TMEM94: variants seen among roughly 807,000 people sequenced by gnomAD.
TMEM94 encodes transmembrane protein 94, also known as ER Mg2+ ATPase.
Under a neutral mutation model 158.6 loss-of-function variants are expected in TMEM94, and 81 were observed. The observed-to-expected ratio is 0.51, with a 90% confidence interval of 0.43 to 0.61. The LOEUF is 0.61. Ranked by LOEUF, TMEM94 falls within the 20% of genes least tolerant of loss-of-function variation. TMEM94 has a pLI of 0.00. For synonymous variants in TMEM94, 751 were observed against 730.7 expected, an observed-to-expected ratio of 1.03 and a Z score of -0.45; for missense variants, 1,435 against 1,762.0, an observed-to-expected ratio of 0.81 and a Z score of 3.32.
chr17:75,499,053 C>A lies in TMEM94; in HGVS notation c.3969C>A (p.Thr1323=). 6.3e-7 allele frequency: 1 copy of A among 1,595,372 alleles called. No homozygotes were observed. The change falls in exon 31 of 32, where the codon ACC becomes ACA. Residue 1323 remains threonine, a synonymous_variant. Coordinates refer to ENST00000314256, the MANE Select transcript of TMEM94 (RefSeq NM_014738.6). ...GCLSLVLVVV[T]NEIVKLHEIR... is the part of the protein sequence containing the mutation. ...TGTCCCTGGTCCTTGTGGTGGTGAC[C>A]AATGAGATCGTGAAGCTACATGAGA... is the stretch of plus-strand genomic sequence containing the variant.
chr17:75,488,626 C>A, intron 6 of TMEM94, 133 bp from the exon 7 acceptor site: 1 of 1,025,190 alleles, frequency 9.8e-7, no homozygotes, highest in Non-Finnish European at 1.5e-6. Flanking sequence ...GTCCCACAGG[C>A]CCTGTCCCAG....
rs960711952 is a variant in TMEM94, at chr17:75,498,938, C to T, written c.3854C>T (p.Ala1285Val). 7.0e-6 allele frequency: 11 copies of T among 1,567,836 alleles called. No individual in the cohort carries two copies. The highest frequency in any genetic ancestry group is 7.8e-6 in the Non-Finnish European group (9 of 1,156,462). ...CTGCTGGGTCAGGTGGTCCAGACGG[C>T]TGTGGACCTGCAGCTGTGGACACAC... ...VVLLGQVVQT[A>V]VDLQLWTHRD... is the part of the protein sequence containing the mutation. Residue 1285 changes from alanine (A) to valine (V), a missense_variant, in exon 31 of 32, where the codon GCT becomes GTT. This residue lies in a region of TMEM94 where 335 missense variants were observed against 409.1 expected (regional missense o/e 0.82). Transcript: ENST00000314256. This position sits in a 1 kb window ranked among gnomAD's most constrained non-coding sequence, Gnocchi z 6.7.
rs574174671 is a variant in TMEM94 at position 75,477,282 on chromosome 17, A to G, written c.24+5353A>G. ...AAGGCTCTGATTTGCCTGGCTGCAG[A>G]CAGTCCATCTGTGTCTGGCCCAACT... On this transcript the variant is annotated intron_variant, in intron 2 of 31. Coordinates refer to ENST00000314256, the MANE Select transcript of TMEM94 (RefSeq NM_014738.6). Among the ~76,000 whole-genome samples, 70 of 152,334 alleles carry G rather than the reference A, an allele frequency of 4.6e-4. 2 individuals are homozygous for G. In the South Asian group the frequency reaches 0.011, roughly 24 times the overall value.
At chr17:75,490,664 G>A (rs79188825) in intron 10 of TMEM94, 38 bp from the exon 11 acceptor site, 31,254 of 1,598,782 alleles carry the variant, frequency 0.02, 406 homozygotes, top group Middle Eastern at 0.029. Context: ...TGAAGGCGGC[G>A]TTTTCCTCAC....
At position 75,488,878 on chromosome 17, in the gene TMEM94, T is replaced by G. The variant is rs766555383; in HGVS notation, c.732T>G (p.Arg244=). Residue 244 remains arginine, a synonymous_variant, in exon 7 of 32, where the codon CGT becomes CGG. Coordinates refer to ENST00000314256, the MANE Select transcript of TMEM94 (RefSeq NM_014738.6). The part of the protein sequence containing the change: ...PQSPQQHRLF[R]VLETPVIDNI... The stretch of plus-strand genomic sequence containing the variant: ...GCCCCCAGCAGCACCGGCTTTTCCG[T>G]GTCCTTGAGACCCCTGTGATTGACA... 1 of 1,609,588 alleles carries G rather than the reference T, an allele frequency of 6.2e-7. No individual in the cohort carries two copies. Among genetic ancestry groups the G allele is most frequent in the South Asian group, 1.1e-5 (1 of 90,562 alleles).
At chr17:75,493,408 C>T (rs2052390517) in intron 16 of TMEM94, 83 bp from the exon 17 acceptor site, 2 of 1,405,268 alleles carry the variant, frequency 1.4e-6, no homozygotes, top group Non-Finnish European at 2.0e-6. Flanking sequence ...CAGCGCCCTT[C>T]TCCAGGAGGA....
At chr17:75,476,496 C>A (rs2050697370) in intron 2 of TMEM94, 9 of 1,401,090 alleles carry the variant, frequency 6.4e-6, no homozygotes, top group Non-Finnish European at 8.3e-6. Flanking sequence ...TAGAAATAGG[C>A]TGAATTAATC....
chr17:75,490,696 G>T lies in TMEM94; in HGVS notation c.1072-6G>T. On this transcript the variant is annotated splice_polypyrimidine_tract_variant and splice_region_variant and intron_variant, in intron 10 of 31. Coordinates refer to ENST00000314256, the MANE Select transcript of TMEM94 (RefSeq NM_014738.6). The stretch of plus-strand genomic sequence containing the variant: ...TCACTGAGGACCTCACCCTCTCTCC[G>T]TGCAGCTGGCTAAGTTCTCAGAGGA... 1.2e-6 allele frequency: 2 copies of T among 1,613,910 alleles called. No homozygotes were observed. Among genetic ancestry groups the T allele is most frequent in the Non-Finnish European group, 1.7e-6 (2 of 1,179,830 alleles).
chr17:75,491,298 T>G lies in TMEM94; in HGVS notation c.1234-5T>G. On this transcript the variant is annotated splice_polypyrimidine_tract_variant and splice_region_variant and intron_variant, in intron 12 of 31. Transcript: ENST00000314256. The surrounding 1 kb of genome is among the most constrained non-coding windows in gnomAD (Gnocchi z 5.1). ...CCTTTCCTATCTCAAATGCTTTCCA[T>G]GCAGGTCCTGTGCTGTGTGGACAAA... The G allele has an allele frequency of 6.2e-7, 1 of 1,613,904 alleles. No individual in the cohort carries two copies. Among genetic ancestry groups the G allele is most frequent in the African/African-American group, 1.3e-5 (1 of 75,066 alleles).
Position 75,471,794 on chromosome 17 carries a change from C to T in TMEM94, c.-106-6C>T. Reference sequence around the variant, plus strand: ...CCTGAGTGATTTCTTTCTTCTTTTTCCCCAGATGTTGTGACTGTGACAGAC... The same window carrying T: ...CCTGAGTGATTTCTTTCTTCTTTTTTCCCAGATGTTGTGACTGTGACAGAC... On this transcript the variant is annotated splice_region_variant and splice_polypyrimidine_tract_variant and intron_variant, in intron 1 of 31. Transcript: ENST00000314256. 2 of 1,037,136 alleles carry T rather than the reference C, an allele frequency of 1.9e-6. No individual in the cohort carries two copies. The highest frequency in any genetic ancestry group is 3.0e-6 in the Non-Finnish European group (2 of 673,830). The allele number at this position is 1,037,136 out of a possible 1,614,324, so 64.2% of individuals were successfully genotyped here. A position where few individuals can be genotyped will look rare whatever the true frequency, so the allele number is the denominator to read the frequency against.
At chr17:75,488,729 C>A in intron 6 of TMEM94, 30 bp from the exon 7 acceptor site, 2 of 1,611,012 alleles carry the variant, frequency 1.2e-6, no homozygotes, top group Middle Eastern at 1.7e-4. Context: ...AGGACCCTCT[C>A]GTTCCCACTC....
At chr17:75,493,154 C>A (rs2052369161) in intron 16 of TMEM94, 52 bp downstream of exon 16, 2 of 1,569,390 alleles carry the variant, frequency 1.3e-6, no homozygotes, top group Non-Finnish European at 1.7e-6. Context: ...CAGAGCTTGG[C>A]AGGGGGGCTC....
At chr17:75,481,748 TCCTCCATGGCTGCCCCAAATC>T (rs935530954) in intron 2 of TMEM94, among the ~76,000 whole-genome samples, 1 of 152,186 alleles carries the variant, frequency 6.6e-6, no homozygotes, top group Non-Finnish European at 1.5e-5. Context: ...TGGCTGAGCC[TCCTCCATGGCTGCCCCAAATC>T]CCTTTCCTGG....
chr17:75,499,610 G>A lies in TMEM94; in HGVS notation c.*276G>A, dbSNP rs1175263862. 2.0e-6 allele frequency: 1 copy of A among 508,990 alleles called. No individual in the cohort carries two copies. Among genetic ancestry groups the A allele is most frequent in the Non-Finnish European group, 3.5e-6 (1 of 286,094 alleles). The allele number at this position is 508,990 out of a possible 1,614,324, so 31.5% of individuals were successfully genotyped here. On this transcript the variant is annotated 3_prime_UTR_variant, in exon 32 of 32. Coordinates refer to ENST00000314256, the MANE Select transcript of TMEM94 (RefSeq NM_014738.6). ...ATGGCCTCAGGCGCTCCCTAGAGGG[G>A]CCCTAAACCCCCTCACCTGTGAGCT...
In TMEM94 at chr17:75,487,981, A is replaced by G. The variant is rs1392150139; in HGVS notation, c.459A>G (p.Pro153=). Residue 153 remains proline, a synonymous_variant, in exon 6 of 32, where the codon CCA becomes CCG. Coordinates refer to ENST00000314256, the MANE Select transcript of TMEM94 (RefSeq NM_014738.6). This position sits in a 1 kb window ranked among gnomAD's most constrained non-coding sequence, Gnocchi z 4.6. ...REIQWPSAMY[P]DLHMPFAPSW... ...TCCAGTGGCCCAGTGCCATGTATCC[A>G]GACCTCCACATGCCTTTTGCGCCAT... 1 of 1,614,074 alleles carries G rather than the reference A, an allele frequency of 6.2e-7. No homozygotes were observed. The highest frequency in any genetic ancestry group is 1.3e-5 in the African/African-American group (1 of 74,932).
Position 75,498,141 on chromosome 17 carries a change from T to C in TMEM94, c.3490-34T>C, listed in dbSNP as rs1280983611. 2 of 1,609,468 alleles carry C rather than the reference T, an allele frequency of 1.2e-6. No homozygotes were observed. The highest frequency in any genetic ancestry group is 3.3e-5 in the Admixed American group (2 of 59,926). On this transcript the variant is annotated intron_variant, in intron 27 of 31. Transcript: ENST00000314256. The surrounding 1 kb of genome is among the most constrained non-coding windows in gnomAD (Gnocchi z 6.7). The stretch of plus-strand genomic sequence containing the variant: ...CTAGGAGCAGCCGGCAGAGGGGCTG[T>C]GCGCCCCAGGAGTGACTGGCCTTGT...
Position 75,467,586 on chromosome 17 carries a change from G to A in TMEM94, c.-106-4214G>A, listed in dbSNP as rs1205613199. Reference sequence around the variant, plus strand: ...TGTCGCCCAGGCCGGACTGCGGACTGCAGTGGCGCAATCTCGGCTCACTGC... The same window carrying A: ...TGTCGCCCAGGCCGGACTGCGGACTACAGTGGCGCAATCTCGGCTCACTGC... On this transcript the variant is annotated intron_variant, in intron 1 of 31. Coordinates refer to ENST00000314256, the MANE Select transcript of TMEM94 (RefSeq NM_014738.6). Among the ~76,000 whole-genome samples, 3 of 133,388 alleles carry A rather than the reference G, an allele frequency of 2.2e-5. No individual in the cohort carries two copies. In the East Asian group the frequency reaches 6.5e-4, roughly 29 times the overall value. The allele number at this position is 133,388 out of a possible 152,430, so 87.5% of individuals were successfully genotyped here. A position where few individuals can be genotyped will look rare whatever the true frequency, so the allele number is the denominator to read the frequency against.
At chr17:75,486,957 T>C (rs2051677551) in intron 5 of TMEM94, among the ~76,000 whole-genome samples, 1 of 152,112 alleles carries the variant, frequency 6.6e-6, no homozygotes, top group Non-Finnish European at 1.5e-5. Flanking sequence ...TGAGGCTCTT[T>C]TGAGGGACGG....
chr17:75,495,431 T>A lies in TMEM94; in HGVS notation c.2844+32T>A. 6.2e-7 allele frequency: 1 copy of A among 1,600,166 alleles called. No individual in the cohort carries two copies. ...TGGCAGGATCTGTCTCACGTGTTCC[T>A]GTAGTGGTCCCATAGCTGGTCCAGG... On this transcript the variant is annotated intron_variant, in intron 21 of 31. Transcript: ENST00000314256. The surrounding 1 kb of genome is among the most constrained non-coding windows in gnomAD (Gnocchi z 5.6).
Sources: allele counts gnomAD v4.1 joint callset (sites outside exome capture counted in the v4.1 genomes callset), GRCh38; gene constraint gnomAD v4.1.1; regional missense constraint gnomAD v4.1.1; non-coding constraint Gnocchi (gnomAD v3.1); transcripts MANE v1.5; gene names NCBI Gene and HGNC (gene_info 2026-07-23, HGNC 2026-07-21).